SYNPO: variants seen among roughly 807,000 people sequenced by gnomAD.
SYNPO encodes the protein synaptopodin.
A neutral mutation model predicts 49.5 loss-of-function variants in SYNPO; 19 were observed. The ratio of observed to expected loss-of-function variants is 0.38; its 90% CI spans 0.27 to 0.56. The LOEUF is 0.56. SYNPO is among the 20% of genes least tolerant of loss of function. The pLI is 0.68. For missense variants in SYNPO, 1,131 were observed against 1,248.3 expected (o/e 0.91, Z 1.42); for synonymous variants, 536 against 548.0 (o/e 0.98, Z 0.31).
chr5:150,594,256 CA>C, the SYNPO span, among the ~76,000 whole-genome samples: 2 of 152,092 alleles, frequency 1.3e-5, no homozygotes, highest in African/African-American at 4.8e-5. Flanking sequence ...GCTTCTCTGC[CA>C]GGGGGAAGAT....
chr5:150,645,715 C>G (rs781603094), intron 1 of SYNPO, among the ~76,000 whole-genome samples: 15 of 152,202 alleles, frequency 9.9e-5, no homozygotes, highest in Non-Finnish European at 1.3e-4. Flanking sequence ...CTGACTCCAG[C>G]TTTGTCACCC....
chr5:150,656,228 C>T (rs1376753195), intron 2 of SYNPO, among the ~76,000 whole-genome samples, 176 bp from the exon 3 acceptor site: 1 of 152,100 alleles, frequency 6.6e-6, no homozygotes, highest in Admixed American at 6.5e-5. Flanking sequence ...GGGGACTCTT[C>T]AGGCGTTCCG....
At chr5:150,624,720 G>T (rs1332757514) in intron 2 of SYNPO, 4 of 532,224 alleles carry the variant, frequency 7.5e-6, no homozygotes, top group Non-Finnish European at 9.6e-6. Flanking sequence ...CTCCCAGCCC[G>T]GGGTCCCGGA....
At chr5:150,605,415 G>C (rs904500814) in intron 1 of SYNPO, among the ~76,000 whole-genome samples, 3 of 152,028 alleles carry the variant, frequency 2.0e-5, no homozygotes, top group African/African-American at 7.2e-5. Flanking sequence ...AAGAGATGAG[G>C]AAACTCAGAA....
the SYNPO span, among the ~76,000 whole-genome samples, chr5:150,593,483 ACAG>A: frequency 7.9e-5 from 12 of 151,920 alleles, no homozygotes; most frequent in Admixed American, 3.3e-4. Context: ...TTTTTTTGAG[ACAG>A]GGTCTTGCTC....
At chr5:150,618,513 A>C in exon 2 of SYNPO, 1 of 1,551,052 alleles carries the variant, frequency 6.4e-7, no homozygotes, top group South Asian at 1.2e-5. Flanking sequence ...CTGCAGGGAG[A>C]GGTGGGGCCT....
chr5:150,607,282 C>A (rs964993100), intron 1 of SYNPO, among the ~76,000 whole-genome samples: 22 of 152,110 alleles, frequency 1.4e-4, no homozygotes, highest in Non-Finnish European at 2.9e-4. Flanking sequence ...AAAAGCAAAT[C>A]TGATGTTAGG....
chr5:150,656,621 C>G lies in SYNPO; in HGVS notation c.2246C>G (p.Pro749Arg). 2 of 1,511,826 alleles carry G rather than the reference C, an allele frequency of 1.3e-6. No individual in the cohort carries two copies. The highest frequency in any genetic ancestry group is 8.8e-7 in the Non-Finnish European group (1 of 1,137,776). 93.7% of individuals were successfully genotyped at this position (1,511,826 alleles called of 1,614,324 possible). A position where few individuals can be genotyped will look rare whatever the true frequency, so the allele number is the denominator to read the frequency against. The change falls in exon 3 of 3, where the codon CCC (proline) becomes CGC (arginine). Residue 749 changes from proline (P) to arginine (R), a missense_variant. Coordinates refer to ENST00000307662, the MANE Select transcript of SYNPO (RefSeq NM_007286.6). The part of the protein sequence containing the change: ...PLRPETEARP[P>R]SRQLQALLAR... ...CGACCTGAGACCGAGGCGCGGCCCC[C>G]CAGCCGCCAGCTGCAGGCGCTTCTG...
At chr5:150,617,537 C>T (rs1252179005) in intron 1 of SYNPO, 4 of 152,220 alleles carry the variant, frequency 2.6e-5, no homozygotes, top group African/African-American at 9.7e-5. Context: ...CTCAGGTGAT[C>T]CACCCGCCTC....
intron 1 of SYNPO, among the ~76,000 whole-genome samples, chr5:150,602,318 A>G (rs1258087035): frequency 6.6e-6 from 1 of 152,148 alleles, no homozygotes; most frequent in African/African-American, 2.4e-5. Context: ...CTATCCCCAC[A>G]ATGGCAGAGT....
chr5:150,617,968 T>C (rs1581463618), intron 1 of SYNPO: 1 of 165,592 alleles, frequency 6.0e-6, no homozygotes, highest in East Asian at 1.6e-4. Context: ...CACTTCCCTA[T>C]GGAAGTGTGG....
At chr5:150,619,466 G>C (rs1011209410) in intron 2 of SYNPO, among the ~76,000 whole-genome samples, 1 of 152,206 alleles carries the variant, frequency 6.6e-6, no homozygotes, top group African/African-American at 2.4e-5. Flanking sequence ...GGAGAGCACA[G>C]TGTGCGCGGC....
At chr5:150,618,909 G>C in intron 2 of SYNPO, 2 of 1,105,596 alleles carry the variant, frequency 1.8e-6, no homozygotes, top group African/African-American at 1.6e-5. Flanking sequence ...ATTAACAGCT[G>C]TGGAGAGATA....
chr5:150,656,359 A>T, intron 2 of SYNPO, 45 bp from the exon 3 acceptor site: 1 of 1,416,496 alleles, frequency 7.1e-7, no homozygotes, highest in Non-Finnish European at 9.5e-7. Context: ...GGTGTGGAAG[A>T]CCTCAGCACT....
chr5:150,628,871 G>T (rs1757449376), intron 2 of SYNPO, among the ~76,000 whole-genome samples: 1 of 152,268 alleles, frequency 6.6e-6, no homozygotes, highest in Non-Finnish European at 1.5e-5. Context: ...TCGCGCCATT[G>T]CACTCCAGCC....
upstream of SYNPO, among the ~76,000 whole-genome samples, chr5:150,599,704 G>T (rs1018418041): frequency 2.6e-5 from 4 of 152,174 alleles, 1 homozygote; most frequent in East Asian, 7.7e-4. Flanking sequence ...CCTGGGGGTC[G>T]GCGGTGGGGG....
rs537033390 is a variant in SYNPO at position 150,620,420 on chromosome 5, A to G, written c.400+1653A>G. 2.0e-5 allele frequency among the ~76,000 whole-genome samples: 3 copies of G among 152,330 alleles called. No individual in the cohort carries two copies. In the East Asian group the frequency reaches 5.8e-4, roughly 29 times the overall value. On this transcript the variant is annotated intron_variant, in intron 2 of 2. Coordinates refer to the SYNPO transcript ENST00000394243. ...CCTCGTAGCAATCCCCATGAGGGAC[A>G]TACTTTTATTATTTTCATTATACAG...
chr5:150,619,172 G>C (rs1757073047), intron 2 of SYNPO, among the ~76,000 whole-genome samples: 1 of 152,172 alleles, frequency 6.6e-6, no homozygotes, highest in African/African-American at 2.4e-5. Flanking sequence ...CTACGTGGGG[G>C]TGCTGGGGAC....
chr5:150,646,505 C>A (rs1213103822), intron 1 of SYNPO, among the ~76,000 whole-genome samples: 1 of 151,568 alleles, frequency 6.6e-6, no homozygotes, highest in East Asian at 2.0e-4. Flanking sequence ...GGATCACTTG[C>A]GCCCACCTGA....
Sources: allele counts gnomAD v4.1 joint callset (sites outside exome capture counted in the v4.1 genomes callset), GRCh38; gene constraint gnomAD v4.1.1; transcripts MANE v1.5; gene names NCBI Gene and HGNC (gene_info 2026-07-23, HGNC 2026-07-21).